The following CNIH3 variants were observed in gnomAD, a reference collection of about 807,000 sequenced individuals.
CNIH3 encodes the protein cornichon family AMPA receptor auxiliary protein 3, also known as protein cornichon homolog 3.
In CNIH3, 14 loss-of-function variants were observed where a neutral mutation model predicts 24.1. That is an observed-to-expected ratio of 0.58 (90% CI 0.38 to 0.91). The LOEUF (loss-of-function observed/expected upper bound fraction) is 0.91. CNIH3 is among the 40% of genes least tolerant of loss of function. The probability of loss-of-function intolerance (pLI) is 0.00; values close to 1 mark genes in which losing one functional copy is unlikely to be tolerated. For missense variants in CNIH3, 178 were observed against 196.8 expected, an observed-to-expected ratio of 0.90 and a Z score of 0.57; for synonymous variants, 68 against 73.8, an observed-to-expected ratio of 0.92 and a Z score of 0.40.
chr1:224,672,169 C>G (rs1685897308), intron 1 of CNIH3, among the ~76,000 whole-genome samples: 1 of 151,862 alleles, frequency 6.6e-6, no homozygotes, highest in South Asian at 2.1e-4. Context: ...GCAGAATTCT[C>G]TCTAAATTAG....
At chr1:224,589,634 G>T (rs920659495), downstream of CNIH3, among the ~76,000 whole-genome samples, 2 of 152,290 alleles carry the variant, frequency 1.3e-5, no homozygotes, top group Middle Eastern at 3.4e-3. Context: ...GAGAAGAAAA[G>T]ATTTTTAATC....
Position 224,566,458 on chromosome 1 carries a change from G to A in CNIH3, n.516+194G>A, listed in dbSNP as rs113371393. 6.0e-3 allele frequency among the ~76,000 whole-genome samples: 907 copies of A among 151,874 alleles called. 9 individuals are homozygous for A. Among genetic ancestry groups the A allele is most frequent in the African/African-American group, 0.021 (850 of 41,354 alleles). Reference sequence around the variant, plus strand: ...ACATAGGTATACATGTGCCATGGTGGTTTGCTGCACCCATCAACCCGTCAT... The same window carrying A: ...ACATAGGTATACATGTGCCATGGTGATTTGCTGCACCCATCAACCCGTCAT... On this transcript the variant is annotated intron_variant and non_coding_transcript_variant, in intron 4 of 5. Coordinates refer to the CNIH3 transcript ENST00000471578.
upstream of CNIH3, among the ~76,000 whole-genome samples, chr1:224,614,590 A>C (rs1022270649): frequency 6.6e-6 from 1 of 151,970 alleles, no homozygotes; most frequent in African/African-American, 2.4e-5. Flanking sequence ...ACAGTGAGCT[A>C]TGATAGCACC....
rs147948657 is a variant in CNIH3 at position 224,679,383 on chromosome 1, T to G, written c.82-1575T>G. On this transcript the variant is annotated intron_variant, in intron 1 of 5. Transcript: ENST00000272133. Reference sequence around the variant, plus strand: ...AAAACTAAAAAACAAACCAAAACATTCTTAGCTCACAGGTTGAACAAAAAT... The same window carrying G: ...AAAACTAAAAAACAAACCAAAACATGCTTAGCTCACAGGTTGAACAAAAAT... Among the ~76,000 whole-genome samples the G allele has an allele frequency of 7.6e-4, 116 of 152,200 alleles. No individual in the cohort carries two copies. The East Asian group carries it at 0.021, about 27-fold the overall frequency.
intron 2 of CNIH3, among the ~76,000 whole-genome samples, chr1:224,528,367 T>C (rs929864815): frequency 6.6e-6 from 1 of 152,218 alleles, no homozygotes; most frequent in African/African-American, 2.4e-5. Context: ...ATTGTACAGG[T>C]TGGAGTGCAG....
chr1:224,446,212 G>GTTTTTTTTTTTTTTTTTTTTTT (rs35812016), intron 1 of CNIH3, among the ~76,000 whole-genome samples: 1 of 108,876 alleles, frequency 9.2e-6, no homozygotes, highest in Non-Finnish European at 1.9e-5. Flanking sequence ...TTTCAACTTT[G>GTTTTTTTTTTTTTTTTTTTTTT]TTTTTTTTTT....
At chr1:224,565,062 T>A (rs778785770) in intron 3 of CNIH3, among the ~76,000 whole-genome samples, 20 of 152,214 alleles carry the variant, frequency 1.3e-4, no homozygotes, top group Non-Finnish European at 2.6e-4. Flanking sequence ...TGATTCCATT[T>A]ATCACAAGTT....
At chr1:224,659,711 T>G (rs1011242264) in intron 1 of CNIH3, among the ~76,000 whole-genome samples, 19 of 152,308 alleles carry the variant, frequency 1.2e-4, no homozygotes, top group Non-Finnish European at 2.4e-4. Context: ...AATCAAGTTA[T>G]ACTGGAAGAA....
At chr1:224,534,276 T>C (rs1211705420) in intron 2 of CNIH3, among the ~76,000 whole-genome samples, 2 of 152,244 alleles carry the variant, frequency 1.3e-5, no homozygotes, top group East Asian at 1.9e-4. Flanking sequence ...ATGAAATGGA[T>C]GACATGTGAT....
chr1:224,667,357 C>T (rs542079897), intron 1 of CNIH3, among the ~76,000 whole-genome samples: 2 of 152,206 alleles, frequency 1.3e-5, no homozygotes, highest in South Asian at 4.2e-4. Flanking sequence ...ACACCATAGC[C>T]ACAGTTAATT....
chr1:224,453,827 A>G lies in CNIH3; in HGVS notation n.203+18965A>G, dbSNP rs777145011. On this transcript the variant is annotated intron_variant and non_coding_transcript_variant, in intron 1 of 5. Coordinates refer to the CNIH3 transcript ENST00000471578. ...CTTTGACAAGTTTTGAAAGATTTTCATAGCATTGAGGGGAGAAGAAAAGTG... is the reference window on the plus strand; with the variant it reads ...CTTTGACAAGTTTTGAAAGATTTTCGTAGCATTGAGGGGAGAAGAAAAGTG... Among the ~76,000 whole-genome samples the G allele has an allele frequency of 5.9e-5, 9 of 152,246 alleles. No homozygotes were observed. The East Asian group carries it at 1.5e-3, about 26-fold the overall frequency.
chr1:224,689,312 A>G (rs1209397401), intron 3 of CNIH3, among the ~76,000 whole-genome samples: 2 of 152,232 alleles, frequency 1.3e-5, no homozygotes, highest in South Asian at 4.1e-4. Flanking sequence ...ATAAGTGTGC[A>G]ATGCATATTA....
chr1:224,533,924 G>A lies in CNIH3; in HGVS notation n.344-3012G>A, dbSNP rs545384200. Among the ~76,000 whole-genome samples, 3 of 152,340 alleles carry A rather than the reference G, an allele frequency of 2.0e-5. No individual in the cohort carries two copies. The South Asian group carries it at 6.2e-4, about 32-fold the overall frequency. ...TTGCGCTTGTAATCCCAGCATTTTG[G>A]GAGGCTGACGCAGGTGGATCGCTTG... On this transcript the variant is annotated intron_variant and non_coding_transcript_variant, in intron 2 of 2. Transcript: ENST00000470602.
intron 2 of CNIH3, among the ~76,000 whole-genome samples, chr1:224,529,937 G>A (rs1360494405): frequency 3.3e-5 from 5 of 152,124 alleles, no homozygotes; most frequent in Non-Finnish European, 5.9e-5. Flanking sequence ...AGACTTTTTG[G>A]CCAACATGGA....
chr1:224,646,901 A>G (rs1481317953), intron 1 of CNIH3, among the ~76,000 whole-genome samples: 2 of 152,222 alleles, frequency 1.3e-5, no homozygotes, highest in Non-Finnish European at 2.9e-5. Flanking sequence ...CCTAGAGCCC[A>G]TATAGCATGT....
chr1:224,617,485 G>A (rs922579721), intron 1 of CNIH3, among the ~76,000 whole-genome samples: 13 of 152,140 alleles, frequency 8.5e-5, no homozygotes, highest in African/African-American at 3.1e-4. Flanking sequence ...CCTCTGCAGG[G>A]CCCGACTGGG....
chr1:224,697,336 C>T lies in CNIH3; in HGVS notation c.198+12493C>T, dbSNP rs375734681. On this transcript the variant is annotated intron_variant, in intron 3 of 5. Transcript: ENST00000272133. ...CCGGAATTTCTGAAGTGCAGCTTGG[C>T]ACTTGTTTTTTTAACAGCTCTCCAG... is the stretch of plus-strand genomic sequence containing the variant. Among the ~76,000 whole-genome samples the T allele has an allele frequency of 6.6e-5, 10 of 152,272 alleles. No homozygotes were observed. The East Asian group carries it at 1.9e-3, about 29-fold the overall frequency.
At chr1:224,738,918 A>G (rs1689729094) in intron 5 of CNIH3, among the ~76,000 whole-genome samples, 1 of 152,160 alleles carries the variant, frequency 6.6e-6, no homozygotes, top group Admixed American at 6.5e-5. Flanking sequence ...ATTATCCAGC[A>G]TCATCTGGGA....
chr1:224,567,825 G>T (rs544182442), intron 4 of CNIH3, among the ~76,000 whole-genome samples: 1 of 152,234 alleles, frequency 6.6e-6, no homozygotes, highest in Admixed American at 6.5e-5. Context: ...TAGTTCAGTT[G>T]GCATAAATGA....
Sources: gnomAD v4.1 joint callset for allele counts (sites outside exome capture counted in the v4.1 genomes callset) on GRCh38, gnomAD v4.1.1 for gene constraint, MANE v1.5 for transcripts, NCBI Gene and HGNC (gene_info 2026-07-23, HGNC 2026-07-21) for gene names.